Variants in AKAP10 observed in about 807,000 individuals in gnomAD.
AKAP10 encodes A-kinase anchoring protein 10, also known as A-kinase anchor protein 10, mitochondrial.
A neutral mutation model predicts 80.8 loss-of-function variants in AKAP10; 24 were observed. The observed-to-expected ratio is 0.30, with a 90% CI of 0.22 to 0.42. The LOEUF is 0.42. AKAP10 is among the 10% of genes least tolerant of loss of function. The pLI, the probability that AKAP10 is intolerant of heterozygous loss-of-function variation, is 1.00. For missense variants in AKAP10, 661 were observed against 794.9 expected, an observed-to-expected ratio of 0.83 and a Z score of 2.03; for synonymous variants, 291 against 277.7, an observed-to-expected ratio of 1.05 and a Z score of -0.48.
Position 19,924,392 on chromosome 17 carries a change from C to A in AKAP10, c.1751+16G>T. On this transcript the variant is annotated intron_variant, in intron 11 of 14. Transcript: ENST00000225737. The stretch of plus-strand genomic sequence containing the variant: ...TATTTACACTTGTAAAAATTCTAGG[C>A]ATGAGCTAAGCTTACCCGGCATATG... 2 of 1,506,790 alleles carry A rather than the reference C, an allele frequency of 1.3e-6. No individual in the cohort carries two copies. The highest frequency in any genetic ancestry group is 8.9e-7 in the Non-Finnish European group (1 of 1,117,722). 93.3% of individuals were successfully genotyped at this position (1,506,790 alleles called of 1,614,324 possible).
intron 9 of AKAP10, among the ~76,000 whole-genome samples, chr17:19,935,416 C>T (rs2042982018): frequency 6.6e-6 from 1 of 152,120 alleles, no homozygotes; most frequent in African/African-American, 2.4e-5. Context: ...TGTAGACTTA[C>T]ACTGTACACT....
intron 10 of AKAP10, among the ~76,000 whole-genome samples, chr17:19,927,118 C>G (rs981123973): frequency 6.6e-6 from 1 of 152,186 alleles, no homozygotes; most frequent in Non-Finnish European, 1.5e-5. Context: ...GGGAGAATCA[C>G]TTTGAGCCTA....
rs61148312 is a variant in AKAP10, at chr17:19,920,855, C to CAAAAAAAAAAA, written c.1752-748_1752-738dup. Among the ~76,000 whole-genome samples, 56 of 35,330 alleles carry CAAAAAAAAAAA rather than the reference C, an allele frequency of 1.6e-3. 3 individuals carry two copies. Among genetic ancestry groups the CAAAAAAAAAAA allele is most frequent in the African/African-American group, 3.7e-3 (32 of 8,608 alleles). 23.2% of individuals were successfully genotyped at this position (35,330 alleles called of 152,430 possible). A position where few individuals can be genotyped will look rare whatever the true frequency, so the allele number is the denominator to read the frequency against. On this transcript the variant is annotated intron_variant, in intron 11 of 14. Transcript: ENST00000225737. ...TGGGCAACAGAGCAAGACTCTATCT[C>CAAAAAAAAAAA]AAAAAAAAAAAAAAAAAAAAAAAAA...
intron 1 of AKAP10, among the ~76,000 whole-genome samples, chr17:19,971,900 G>A (rs2043502781): frequency 1.3e-5 from 2 of 152,170 alleles, no homozygotes; most frequent in South Asian, 4.1e-4. Flanking sequence ...GAGGTCAGGA[G>A]TTCGAGACCA....
chr17:19,954,229 T>C (rs1008713934), intron 4 of AKAP10, among the ~76,000 whole-genome samples: 1 of 152,122 alleles, frequency 6.6e-6, no homozygotes, highest in South Asian at 2.1e-4. Flanking sequence ...ATTAAGACCA[T>C]GTGGTATTAA....
intron 11 of AKAP10, among the ~76,000 whole-genome samples, chr17:19,921,292 C>T (rs747240115): frequency 6.6e-6 from 1 of 151,582 alleles, no homozygotes; most frequent in Non-Finnish European, 1.5e-5. Context: ...CTCAGCCTCT[C>T]GAGTAGCTGG....
chr17:19,926,450 A>T (rs1353870091), intron 10 of AKAP10, among the ~76,000 whole-genome samples: 9 of 152,094 alleles, frequency 5.9e-5, no homozygotes, highest in African/African-American at 2.2e-4. Flanking sequence ...TCTACTCATC[A>T]TTGCTCTGTA....
intron 4 of AKAP10, among the ~76,000 whole-genome samples, chr17:19,953,273 T>C (rs1438501351): frequency 1.3e-5 from 2 of 151,446 alleles, no homozygotes; most frequent in Non-Finnish European, 2.9e-5. Context: ...AGAAGGAAAT[T>C]TACAGTATTA....
At chr17:19,940,685 A>G (rs1296567342) in intron 7 of AKAP10, among the ~76,000 whole-genome samples, 1 of 152,226 alleles carries the variant, frequency 6.6e-6, no homozygotes. Flanking sequence ...TCAAAATTAG[A>G]GTTATTTAAT....
At chr17:19,931,392 CT>C (rs577953997) in intron 10 of AKAP10, among the ~76,000 whole-genome samples, 2,432 of 137,702 alleles carry the variant, frequency 0.018, 33 homozygotes, top group African/African-American at 0.055. Context: ...TTATTTCTCT[CT>C]TTTTTTTTTT....
intron 11 of AKAP10, among the ~76,000 whole-genome samples, chr17:19,921,633 T>C (rs545322966): frequency 9.9e-5 from 15 of 151,436 alleles, no homozygotes; most frequent in Admixed American, 6.6e-4. Flanking sequence ...CCTAGGAGTT[T>C]GAGACCAGCC....
At chr17:19,964,211 G>C (rs552149447) in intron 2 of AKAP10, among the ~76,000 whole-genome samples, 4 of 152,276 alleles carry the variant, frequency 2.6e-5, no homozygotes, top group Non-Finnish European at 4.4e-5. Flanking sequence ...CTCTCGCATT[G>C]TTTCTTAATT....
At chr17:19,946,231 TA>T (rs2043111228) in intron 5 of AKAP10, among the ~76,000 whole-genome samples, 1 of 18,142 alleles carries the variant, frequency 5.5e-5, no homozygotes, top group African/African-American at 2.3e-4. Context: ...TTTATATATA[TA>T]TATATTATAT....
At chr17:19,969,948 G>T (rs1367118032) in intron 1 of AKAP10, among the ~76,000 whole-genome samples, 1 of 152,126 alleles carries the variant, frequency 6.6e-6, no homozygotes, top group Non-Finnish European at 1.5e-5. Context: ...ACATTAACTT[G>T]TCTTGGCTTC....
chr17:19,922,781 T>C (rs1482078020), intron 11 of AKAP10, among the ~76,000 whole-genome samples: 1 of 152,072 alleles, frequency 6.6e-6, no homozygotes, highest in Non-Finnish European at 1.5e-5. Context: ...GTGCCTGTAG[T>C]CCCAGCTACT....
chr17:19,938,393 T>C (rs149540929), intron 8 of AKAP10, among the ~76,000 whole-genome samples: 1 of 152,080 alleles, frequency 6.6e-6, no homozygotes, highest in African/African-American at 2.4e-5. Context: ...TGTGCCATCA[T>C]GCCTGGCTAA....
At chr17:19,940,440 T>C (rs1231350348) in intron 7 of AKAP10, among the ~76,000 whole-genome samples, 4 of 152,196 alleles carry the variant, frequency 2.6e-5, no homozygotes, top group Non-Finnish European at 5.9e-5. Flanking sequence ...ACTGTATGCC[T>C]CAAAAAGATT....
At chr17:19,963,853 A>G (rs2043383440) in intron 2 of AKAP10, among the ~76,000 whole-genome samples, 2 of 151,908 alleles carry the variant, frequency 1.3e-5, no homozygotes, top group Admixed American at 1.3e-4. Flanking sequence ...CTGAGATTGC[A>G]CCACTGCCCT....
At chr17:19,949,547 G>A (rs8082216) in intron 4 of AKAP10, among the ~76,000 whole-genome samples, 1,875 of 152,076 alleles carry the variant, frequency 0.012, 37 homozygotes, top group African/African-American at 0.043. Context: ...TGAGGAGAGC[G>A]AATCACAAGG....
Sources: gnomAD v4.1 joint callset for allele counts (sites outside exome capture counted in the v4.1 genomes callset) on GRCh38, gnomAD v4.1.1 for gene constraint, MANE v1.5 for transcripts, NCBI Gene and HGNC (gene_info 2026-07-23, HGNC 2026-07-21) for gene names.